Variants in BBS9 observed in about 807,000 individuals in gnomAD.
The protein encoded by BBS9 is Bardet-Biedl syndrome 9.
Under a neutral mutation model 117.7 loss-of-function variants are expected in BBS9, and 89 were observed. The observed-to-expected ratio is 0.76, with a 90% CI of 0.64 to 0.90. BBS9 has a LOEUF of 0.90. Ranked by LOEUF, BBS9 falls within the 40% of genes least tolerant of loss-of-function variation. The probability of loss-of-function intolerance (pLI) is 0.00; values close to 1 mark genes in which losing one functional copy is unlikely to be tolerated. For synonymous variants in BBS9, 379 were observed against 370.9 expected (o/e 1.02, Z -0.25); for missense variants, 982 against 1,042.2 (o/e 0.94, Z 0.80).
At chr7:33,552,663 C>G (rs1355750033) in intron 21 of BBS9, among the ~76,000 whole-genome samples, 1 of 152,160 alleles carries the variant, frequency 6.6e-6, no homozygotes, top group African/African-American at 2.4e-5. Flanking sequence ...GTATCTCATT[C>G]CCAACAGAAG....
At chr7:33,420,908 A>G (rs1832766975) in intron 19 of BBS9, among the ~76,000 whole-genome samples, 1 of 152,188 alleles carries the variant, frequency 6.6e-6, no homozygotes, top group African/African-American at 2.4e-5. Context: ...CTACCCTTGG[A>G]AGATTGTTGA....
At chr7:33,347,371 A>C (rs1186780790) in intron 12 of BBS9, among the ~76,000 whole-genome samples, 3 of 152,026 alleles carry the variant, frequency 2.0e-5, no homozygotes, top group Non-Finnish European at 2.9e-5. Context: ...GTTGAAAGAA[A>C]GTTGTTTGTA....
intron 9 of BBS9, among the ~76,000 whole-genome samples, chr7:33,281,909 G>A (rs1483034701): frequency 2.0e-5 from 3 of 151,550 alleles, no homozygotes; most frequent in Non-Finnish European, 4.4e-5. Context: ...TGATCTCTTG[G>A]GCGCAAGCAA....
chr7:33,352,741 T>C, intron 14 of BBS9, 118 bp from the exon 15 acceptor site: 2 of 1,213,514 alleles, frequency 1.6e-6, no homozygotes, highest in Non-Finnish European at 2.4e-6. Context: ...GTGAGAATCT[T>C]GAAATTTTAA....
intron 9 of BBS9, among the ~76,000 whole-genome samples, chr7:33,274,407 A>T (rs1363956493): frequency 6.6e-6 from 1 of 152,212 alleles, no homozygotes; most frequent in Non-Finnish European, 1.5e-5. Flanking sequence ...ATGTGTTTAC[A>T]CAGTTTAGAT....
chr7:33,561,733 A>G (rs904020147), intron 21 of BBS9, among the ~76,000 whole-genome samples: 2 of 152,246 alleles, frequency 1.3e-5, no homozygotes, highest in Admixed American at 6.5e-5. Context: ...GATCTGATCA[A>G]GTATGAAGAA....
Position 33,546,530 on chromosome 7 carries a change from A to G in BBS9, c.2521+12354A>G, listed in dbSNP as rs117621780. 3.3e-5 allele frequency among the ~76,000 whole-genome samples: 5 copies of G among 152,258 alleles called. No individual in the cohort carries two copies. The East Asian group carries it at 5.8e-4, about 18-fold the overall frequency. On this transcript the variant is annotated intron_variant, in intron 21 of 22. Coordinates refer to ENST00000242067, the MANE Select transcript of BBS9 (RefSeq NM_198428.3). Reference sequence around the variant, plus strand: ...TTGAAATTTCTAAGCCTGAAATACTATGTTCTTTACATAGAAATACTATGT... The same window carrying G: ...TTGAAATTTCTAAGCCTGAAATACTGTGTTCTTTACATAGAAATACTATGT...
chr7:33,365,709 T>A (rs1176294707), intron 16 of BBS9, among the ~76,000 whole-genome samples: 3 of 152,204 alleles, frequency 2.0e-5, no homozygotes, highest in Admixed American at 6.5e-5. Context: ...GTTCTGGGCT[T>A]TGGGTGGTAA....
Position 33,423,397 on chromosome 7 carries a change from T to G in BBS9, c.2115+35253T>G, listed in dbSNP as rs10253189. Among the ~76,000 whole-genome samples, 356 of 149,232 alleles carry G rather than the reference T, an allele frequency of 2.4e-3. 1 individual carries two copies. The highest frequency in any genetic ancestry group is 9.8e-3 in the East Asian group (50 of 5,100). On this transcript the variant is annotated intron_variant, in intron 19 of 22. Transcript: ENST00000242067. ...AAAATGAAAATGTATACCTTGGGGGTGTGTGTGTGTGTGTGTGTTTCTAGC... is the reference window on the plus strand; with the variant it reads ...AAAATGAAAATGTATACCTTGGGGGGGTGTGTGTGTGTGTGTGTTTCTAGC...
chr7:33,190,150 C>T (rs1308923374), intron 5 of BBS9, among the ~76,000 whole-genome samples: 3 of 130,910 alleles, frequency 2.3e-5, no homozygotes, highest in African/African-American at 5.7e-5. Flanking sequence ...GACTGAGTCT[C>T]GCTCTGTCGC....
chr7:33,340,000 A>G (rs983619426), intron 10 of BBS9, among the ~76,000 whole-genome samples: 2 of 151,210 alleles, frequency 1.3e-5, no homozygotes, highest in African/African-American at 4.8e-5. Context: ...GAATATATAT[A>G]ATTTAAAAAT....
intron 19 of BBS9, among the ~76,000 whole-genome samples, chr7:33,501,118 T>C (rs1845383940): frequency 6.6e-6 from 1 of 152,184 alleles, no homozygotes; most frequent in Non-Finnish European, 1.5e-5. Context: ...TCGCTCTCCC[T>C]CAAATTTAAG....
intron 21 of BBS9, among the ~76,000 whole-genome samples, chr7:33,601,229 G>C (rs546972764): frequency 2.6e-5 from 4 of 152,102 alleles, no homozygotes; most frequent in Non-Finnish European, 5.9e-5. Context: ...TCCTCGAGGC[G>C]AGACGCTTGC....
At chr7:33,338,739 A>C (rs926418365) in intron 10 of BBS9, among the ~76,000 whole-genome samples, 34 of 152,220 alleles carry the variant, frequency 2.2e-4, no homozygotes, top group African/African-American at 8.2e-4. Context: ...TACTCAACTC[A>C]TTAATGTGAA....
intron 19 of BBS9, among the ~76,000 whole-genome samples, chr7:33,492,985 T>G (rs1026213987): frequency 1.1e-4 from 17 of 151,076 alleles, no homozygotes; most frequent in South Asian, 1.1e-3. Context: ...GCTCTTAGTC[T>G]TCTTCTTCTT....
chr7:33,294,339 ATCTATCTATCTATCTCTTTG>A (rs1804790493), intron 9 of BBS9, among the ~76,000 whole-genome samples: 1 of 119,140 alleles, frequency 8.4e-6, no homozygotes, highest in African/African-American at 3.4e-5. Context: ...CTATCTATCT[ATCTATCTATCTATCTCTTTG>A]TCCATCCATC....
chr7:33,466,077 T>C (rs142879596), intron 19 of BBS9, among the ~76,000 whole-genome samples: 1 of 152,224 alleles, frequency 6.6e-6, no homozygotes, highest in East Asian at 1.9e-4. Flanking sequence ...TATATATATA[T>C]ATACACACAT....
At chr7:33,631,219 G>A (rs1169494080) in intron 21 of BBS9, among the ~76,000 whole-genome samples, 2 of 152,154 alleles carry the variant, frequency 1.3e-5, no homozygotes, top group African/African-American at 2.4e-5. Flanking sequence ...GAAGCATGGC[G>A]AACTGCACCG....
At chr7:33,556,584 A>C (rs2129103101) in intron 21 of BBS9, among the ~76,000 whole-genome samples, 1 of 152,316 alleles carries the variant, frequency 6.6e-6, no homozygotes, top group South Asian at 2.1e-4. Flanking sequence ...TTATAGCCTA[A>C]ATAAATCTAT....
Sources: allele counts gnomAD v4.1 joint callset (sites outside exome capture counted in the v4.1 genomes callset), GRCh38; gene constraint gnomAD v4.1.1; transcripts MANE v1.5; gene names NCBI Gene and HGNC (gene_info 2026-07-23, HGNC 2026-07-21).